PCDHGC4: variants seen among roughly 807,000 people sequenced by gnomAD.
PCDHGC4 encodes the protein protocadherin gamma subfamily C, 4.
PCDHGC4 carries 15 observed loss-of-function variants against 59.7 expected under a neutral mutation model. The ratio of observed to expected loss-of-function variants is 0.25; its 90% CI spans 0.17 to 0.39. The LOEUF is 0.39. Ranked by LOEUF, PCDHGC4 falls within the 10% of genes least tolerant of loss-of-function variation. The probability of loss-of-function intolerance (pLI) is 1.00; values close to 1 mark genes in which losing one functional copy is unlikely to be tolerated. For synonymous variants in PCDHGC4, 434 were observed against 481.4 expected (o/e 0.90, Z 1.29); for missense variants, 1,016 against 1,189.5 (o/e 0.85, Z 2.15).
rs780578882 is a variant in PCDHGC4 at position 141,486,578 on chromosome 5, C to T, written c.1405C>T (p.Arg469Cys). Residue 469 changes from arginine (R) to cysteine (C), a missense_variant, in exon 1 of 4, where the codon CGC (arginine) becomes TGC (cysteine). Arg to Cys is a radical substitution (Grantham distance 180, BLOSUM62 -3). Coordinates refer to ENST00000306593, the MANE Select transcript of PCDHGC4 (RefSeq NM_018928.3). This position sits in a 1 kb window ranked among gnomAD's most constrained non-coding sequence, Gnocchi z 5.0. ...TGAGGTGTTTGTTCCTGAGAACAAT[C>T]GCCCAGGGGACCTGCTTTGCTCCCT... ...SHEVFVPENN[R>C]PGDLLCSLAA... is the part of the protein sequence containing the mutation. 1.6e-5 allele frequency: 26 copies of T among 1,613,728 alleles called. No homozygotes were observed. The highest frequency in any genetic ancestry group is 2.2e-5 in the South Asian group (2 of 91,072).
At chr5:141,502,781 C>G (rs1360359268) in intron 2 of PCDHGC4, among the ~76,000 whole-genome samples, 2 of 151,658 alleles carry the variant, frequency 1.3e-5, no homozygotes, top group Non-Finnish European at 2.9e-5. Flanking sequence ...TGAAAATTAC[C>G]TGGATGATTT....
chr5:141,503,598 CAAAAAAAAAA>C (rs765754054), intron 2 of PCDHGC4, among the ~76,000 whole-genome samples: 1 of 65,762 alleles, frequency 1.5e-5, no homozygotes. Context: ...GACTCCAGCT[CAAAAAAAAAA>C]AAAAAAGAAA....
At position 141,493,093 on chromosome 5, in the gene PCDHGC4, A is replaced by G. The variant is rs78102761; in HGVS notation, c.2443-1714A>G. On this transcript the variant is annotated intron_variant, in intron 1 of 3. Transcript: ENST00000306593. The surrounding 1 kb of genome is among the most constrained non-coding windows in gnomAD (Gnocchi z 4.3). ...CTCCAACTCCAGGAGCTTTTATTCA[A>G]AATATATCAATGCCTAACTCTGCTC... 0.034 allele frequency among the ~76,000 whole-genome samples: 5,198 copies of G among 152,282 alleles called. 159 individuals carry two copies. Among genetic ancestry groups the G allele is most frequent in the African/African-American group, 0.079 (3,275 of 41,546 alleles).
chr5:141,492,077 C>G (rs917149790), intron 1 of PCDHGC4: 1 of 483,342 alleles, frequency 2.1e-6, no homozygotes, highest in African/African-American at 2.0e-5. Context: ...GGCGCCGGCT[C>G]CGGCACGCTT....
At chr5:141,496,076 C>A (rs2099765713) in intron 2 of PCDHGC4, among the ~76,000 whole-genome samples, 1 of 152,010 alleles carries the variant, frequency 6.6e-6, no homozygotes, top group Non-Finnish European at 1.5e-5. Context: ...GCACACACAA[C>A]CCCCCACCCA....
chr5:141,490,942 C>A lies in PCDHGC4; in HGVS notation c.2442+3327C>A, dbSNP rs371286343. On this transcript the variant is annotated intron_variant, in intron 1 of 3. Coordinates refer to ENST00000306593, the MANE Select transcript of PCDHGC4 (RefSeq NM_018928.3). This position sits in a 1 kb window ranked among gnomAD's most constrained non-coding sequence, Gnocchi z 5.4. ...TAATGCCCCAGCTGTGCTGCACCCA[C>A]GGCCAGACTGGGAACACTCAGCCCC... The A allele has an allele frequency of 3.0e-5, 49 of 1,613,526 alleles. No individual in the cohort carries two copies. The highest frequency in any genetic ancestry group is 4.1e-5 in the Non-Finnish European group (48 of 1,179,768).
At chr5:141,494,644 G>A in intron 1 of PCDHGC4, 163 bp from the exon 2 acceptor site, 1 of 933,684 alleles carries the variant, frequency 1.1e-6, no homozygotes. Flanking sequence ...TGAGACCTGA[G>A]GTGTATTTTG....
chr5:141,491,438 G>T lies in PCDHGC4; in HGVS notation c.2443-3369G>T, dbSNP rs376927300. 3.7e-6 allele frequency: 6 copies of T among 1,613,948 alleles called. No homozygotes were observed. The African/African-American group carries it at 4.0e-5, about 11-fold the overall frequency. ...GGGGGTGGAGGGCAGTGCTGCAGGCGCCAGGACTCACCCTCCCCGGACTTC... is the reference window on the plus strand; with the variant it reads ...GGGGGTGGAGGGCAGTGCTGCAGGCTCCAGGACTCACCCTCCCCGGACTTC... On this transcript the variant is annotated intron_variant, in intron 1 of 3. Transcript: ENST00000306593. The surrounding 1 kb of genome is among the most constrained non-coding windows in gnomAD (Gnocchi z 6.9).
Position 141,485,792 on chromosome 5 carries a change from G to T in PCDHGC4, c.619G>T (p.Asp207Tyr), listed in dbSNP as rs114766079. 6.2e-6 allele frequency: 10 copies of T among 1,614,118 alleles called. No individual in the cohort carries two copies. In the Admixed American group the frequency reaches 1.3e-4, roughly 22 times the overall value. ...EKPLDREKQS[D>Y]YRLVLTAVDG... ...GCCTTTGGATCGAGAGAAGCAATCG[G>T]ACTACCGCCTGGTGCTGACTGCTGT... Residue 207 changes from aspartate (D) to tyrosine (Y), a missense_variant, in exon 1 of 4, where the codon GAC (aspartate) becomes TAC (tyrosine). Transcript: ENST00000306593. This position sits in a 1 kb window ranked among gnomAD's most constrained non-coding sequence, Gnocchi z 5.7.
rs999463482 is a variant in PCDHGC4, at chr5:141,506,400, T to C, written c.2590+919T>C. ...GGAGGTGGCTGTGGTGAGCAGAAAATCGCACCACTGCACTCCAGCCTGGGC... is the reference window on the plus strand; with the variant it reads ...GGAGGTGGCTGTGGTGAGCAGAAAACCGCACCACTGCACTCCAGCCTGGGC... On this transcript the variant is annotated intron_variant, in intron 3 of 3. Coordinates refer to ENST00000306593, the MANE Select transcript of PCDHGC4 (RefSeq NM_018928.3). 1.2e-4 allele frequency among the ~76,000 whole-genome samples: 16 copies of C among 135,754 alleles called. No homozygotes were observed. In the Admixed American group the frequency reaches 1.3e-3, roughly 11 times the overall value. The allele number at this position is 135,754 out of a possible 152,430, so 89.1% of individuals were successfully genotyped here.
In PCDHGC4 at chr5:141,487,472, G is replaced by A. The variant is rs2099645737; in HGVS notation, c.2299G>A (p.Gly767Ser). The A allele has an allele frequency of 2.5e-6, 4 of 1,614,178 alleles. No individual in the cohort carries two copies. Among genetic ancestry groups the A allele is most frequent in the Non-Finnish European group, 3.4e-6 (4 of 1,180,036 alleles). Reference sequence around the variant, plus strand: ...CCCTATCAAGTTTGTTGATGTGGGAGGCCACTCTCATGGCTGTACACCCTT... The same window carrying A: ...CCCTATCAAGTTTGTTGATGTGGGAAGCCACTCTCATGGCTGTACACCCTT... Reference protein sequence around the residue: ...DDPIKFVDVGGHSHGCTPLAS... With the variant: ...DDPIKFVDVGSHSHGCTPLAS... Residue 767 changes from glycine to serine, a missense_variant, in exon 1 of 4, where the codon GGC (glycine) becomes AGC (serine). By Grantham distance (56) the Gly-to-Ser change is moderately conservative. Coordinates refer to ENST00000306593, the MANE Select transcript of PCDHGC4 (RefSeq NM_018928.3). This position sits in a 1 kb window ranked among gnomAD's most constrained non-coding sequence, Gnocchi z 5.0.
chr5:141,485,587 G>C lies in PCDHGC4; in HGVS notation c.414G>C (p.Leu138=). 6.2e-7 allele frequency: 1 copy of C among 1,612,652 alleles called. No individual in the cohort carries two copies. The highest frequency in any genetic ancestry group is 1.7e-5 in the Admixed American group (1 of 59,982). The change falls in exon 1 of 4, where the codon CTG becomes CTC. Residue 138 remains leucine, a synonymous_variant. Coordinates refer to ENST00000306593, the MANE Select transcript of PCDHGC4 (RefSeq NM_018928.3). This position sits in a 1 kb window ranked among gnomAD's most constrained non-coding sequence, Gnocchi z 5.7. ...DHAPRFPRQQ[L]DLEIGEAAPP... is the part of the protein sequence containing the mutation. ...CCCCCCGTTTTCCGCGGCAGCAGCT[G>C]GACTTGGAAATTGGGGAGGCAGCTC... is the stretch of plus-strand genomic sequence containing the variant.
At chr5:141,509,169 T>C (rs1321257504) in intron 3 of PCDHGC4, among the ~76,000 whole-genome samples, 2 of 152,174 alleles carry the variant, frequency 1.3e-5, no homozygotes, top group African/African-American at 4.8e-5. Context: ...TGTGCCCTCC[T>C]CCTCTTATGC....
chr5:141,490,157 G>A lies in PCDHGC4; in HGVS notation c.2442+2542G>A. 6.2e-7 allele frequency: 1 copy of A among 1,614,210 alleles called. No homozygotes were observed. On this transcript the variant is annotated intron_variant, in intron 1 of 3. Transcript: ENST00000306593. The surrounding 1 kb of genome is among the most constrained non-coding windows in gnomAD (Gnocchi z 5.4). ...AGCAGTGGGGCAATCCATGTGTTGG[G>A]TCCCATAGACTTTGAGGAGTCACGT...
intron 1 of PCDHGC4, 129 bp from the exon 2 acceptor site, chr5:141,494,678 G>T: frequency 1.3e-6 from 2 of 1,554,384 alleles, no homozygotes; most frequent in East Asian, 4.7e-5. Flanking sequence ...GTCCACCCCT[G>T]CCCCCTCTTA....
chr5:141,511,428 G>T lies in PCDHGC4; in HGVS notation c.*255G>T. 1 of 769,024 alleles carries T rather than the reference G, an allele frequency of 1.3e-6. No homozygotes were observed. The highest frequency in any genetic ancestry group is 2.0e-6 in the Non-Finnish European group (1 of 504,448). 47.6% of individuals were successfully genotyped at this position (769,024 alleles called of 1,614,324 possible). ...ACTGCTGTACCCATGGGGGTAGTGG[G>T]GTTACTGTAGACACCAAGAACCATT... On this transcript the variant is annotated 3_prime_UTR_variant, in exon 4 of 4. Transcript: ENST00000306593.
intron 2 of PCDHGC4, among the ~76,000 whole-genome samples, chr5:141,495,607 A>G (rs1484333463): frequency 1.3e-5 from 2 of 151,832 alleles, no homozygotes; most frequent in Admixed American, 1.3e-4. Flanking sequence ...TTCCGTCTTG[A>G]TTGCTGCACC....
chr5:141,485,444 G>A lies in PCDHGC4; in HGVS notation c.271G>A (p.Asp91Asn). 1 of 1,614,110 alleles carries A rather than the reference G, an allele frequency of 6.2e-7. No individual in the cohort carries two copies. Among genetic ancestry groups the A allele is most frequent in the Non-Finnish European group, 8.5e-7 (1 of 1,180,020 alleles). The change falls in exon 1 of 4, where the codon GAC (aspartate) becomes AAC (asparagine). Residue 91 changes from aspartate to asparagine, a missense_variant. Asp to Asn is a conservative substitution (Grantham distance 23, BLOSUM62 1). Coordinates refer to ENST00000306593, the MANE Select transcript of PCDHGC4 (RefSeq NM_018928.3). This position sits in a 1 kb window ranked among gnomAD's most constrained non-coding sequence, Gnocchi z 5.7. ...AGCCCTGCTCATCAAGAACCCAATC[G>A]ACCGAGAGGCACTGTGTGGGCTCAG... ...SGALLIKNPI[D>N]REALCGLSAS...
Position 141,511,643 on chromosome 5 carries a change from C to T in PCDHGC4, c.*470C>T, listed in dbSNP as rs937995879. ...TGAAAAGTTGGAAGGGCATCATGACCTCTTGGCCTCTCCTTTGATTCTCAA... is the reference window on the plus strand; with the variant it reads ...TGAAAAGTTGGAAGGGCATCATGACTTCTTGGCCTCTCCTTTGATTCTCAA... On this transcript the variant is annotated 3_prime_UTR_variant, in exon 4 of 4. Coordinates refer to ENST00000306593, the MANE Select transcript of PCDHGC4 (RefSeq NM_018928.3). 4 of 218,904 alleles carry T rather than the reference C, an allele frequency of 1.8e-5. No homozygotes were observed. The highest frequency in any genetic ancestry group is 5.2e-5 in the Admixed American group (1 of 19,306). 13.6% of individuals were successfully genotyped at this position (218,904 alleles called of 1,614,324 possible). A position where few individuals can be genotyped will look rare whatever the true frequency, so the allele number is the denominator to read the frequency against.
Sources: gnomAD v4.1 joint callset for allele counts (sites outside exome capture counted in the v4.1 genomes callset) on GRCh38, gnomAD v4.1.1 for gene constraint, Gnocchi (gnomAD v3.1) non-coding constraint, MANE v1.5 for transcripts, NCBI Gene and HGNC (gene_info 2026-07-23, HGNC 2026-07-21) for gene names.